Variants in C11orf71 observed in about 807,000 individuals in gnomAD.
C11orf71 encodes uncharacterized protein C11orf71.
For missense variants in C11orf71, 179 were observed against 167.6 expected, an observed-to-expected ratio of 1.07 and a Z score of -0.38; for synonymous variants, 72 against 73.4, an observed-to-expected ratio of 0.98 and a Z score of 0.09.
At chr11:114,395,318 T>C (rs1223311974), downstream of C11orf71, among the ~76,000 whole-genome samples, 1 of 152,170 alleles carries the variant, frequency 6.6e-6, no homozygotes, top group Middle Eastern at 3.2e-3. Context: ...TAAGGAGCCA[T>C]TTACTAATCT....
Position 114,400,503 on chromosome 11 carries a change from G to T in C11orf71, c.-172C>A, listed in dbSNP as rs1253745161. 3 of 1,281,378 alleles carry T rather than the reference G, an allele frequency of 2.3e-6. No individual in the cohort carries two copies. Among genetic ancestry groups the T allele is most frequent in the Middle Eastern group, 2.5e-4 (1 of 4,074 alleles). 79.4% of individuals were successfully genotyped at this position (1,281,378 alleles called of 1,614,324 possible). On this transcript the variant is annotated 5_prime_UTR_variant, in exon 1 of 1. Coordinates refer to ENST00000623205, the MANE Select transcript of C11orf71 (RefSeq NM_001271562.2). ...CCTTGCCTTTAACGAGGGGTATCCT[G>T]GCGAGCATGCGCAGACCGTCCGCGC...
chr11:114,395,306 T>C (rs1946122859), downstream of C11orf71, among the ~76,000 whole-genome samples: 1 of 152,214 alleles, frequency 6.6e-6, no homozygotes, highest in African/African-American at 2.4e-5. Context: ...GTTCTTTGAA[T>C]GTAAGGAGCC....
rs367568492 is a variant in C11orf71, at chr11:114,399,006, T to A, written c.*954A>T. 2.7e-5 allele frequency: 4 copies of A among 145,628 alleles called. No homozygotes were observed. The East Asian group carries it at 7.9e-4, about 29-fold the overall frequency. 9.0% of individuals were successfully genotyped at this position (145,628 alleles called of 1,614,324 possible). ...AACAAAAATAACAGCAAATAAGGAG[T>A]GATCAGCCAGGTAAGAGAAGAACCA... On this transcript the variant is annotated 3_prime_UTR_variant, in exon 1 of 1. Transcript: ENST00000623205.
chr11:114,396,971 A>G (rs1946135543), downstream of C11orf71, among the ~76,000 whole-genome samples: 1 of 152,110 alleles, frequency 6.6e-6, no homozygotes, highest in African/African-American at 2.4e-5. Flanking sequence ...TTTTTTTCCA[A>G]TCTCCCAAAT....
downstream of C11orf71, among the ~76,000 whole-genome samples, chr11:114,398,219 G>A (rs1057308157): frequency 3.3e-5 from 5 of 152,154 alleles, no homozygotes; most frequent in South Asian, 1.0e-3. Flanking sequence ...TCTCAACCAC[G>A]GGTTTTTGTA....
At chr11:114,395,200 AAATACTTG>A (rs149434028), downstream of C11orf71, among the ~76,000 whole-genome samples, 1,420 of 152,302 alleles carry the variant, frequency 9.3e-3, 24 homozygotes, top group African/African-American at 0.032. Context: ...AGTCTCACCC[AAATACTTG>A]AACACAGAGT....
downstream of C11orf71, among the ~76,000 whole-genome samples, chr11:114,397,464 C>T (rs1946138039): frequency 6.6e-6 from 1 of 152,148 alleles, no homozygotes; most frequent in African/African-American, 2.4e-5. Context: ...ATGTTAAGAA[C>T]AAGAATTTAG....
chr11:114,394,198 C>CTTTTCTT (rs1591192486), downstream of C11orf71, among the ~76,000 whole-genome samples: 1 of 41,756 alleles, frequency 2.4e-5, no homozygotes, highest in African/African-American at 1.2e-4. Context: ...CTTTTCTTTT[C>CTTTTCTT]TTTTCTTTTC....
chr11:114,399,699 T>G lies in C11orf71; in HGVS notation c.*261A>C. On this transcript the variant is annotated 3_prime_UTR_variant, in exon 1 of 1. Transcript: ENST00000623205. ...GATTGTTGACCTCTGGGGAGGGTGC[T>G]CCCATCAGCTCAGCTTTGTGACGAC... is the stretch of plus-strand genomic sequence containing the variant. The G allele has an allele frequency of 2.2e-6, 1 of 458,562 alleles. No homozygotes were observed. The highest frequency in any genetic ancestry group is 2.0e-5 in the African/African-American group (1 of 50,990). 28.4% of individuals were successfully genotyped at this position (458,562 alleles called of 1,614,324 possible). A position where few individuals can be genotyped will look rare whatever the true frequency, so the allele number is the denominator to read the frequency against.
Position 114,400,166 on chromosome 11 carries a change from C to A in C11orf71, c.166G>T (p.Ala56Ser), listed in dbSNP as rs1946173547. 1.2e-6 allele frequency: 2 copies of A among 1,613,724 alleles called. No individual in the cohort carries two copies. ...TCGGCCCGAACGCTTGGTCGCACCG[C>A]CTGCCGAGGTCCTAGATGAATCGCT... Reference protein sequence around the residue: ...PEAIHLGPRQAVRPSVRAESR... With the variant: ...PEAIHLGPRQSVRPSVRAESR... Residue 56 changes from alanine to serine, a missense_variant, in exon 1 of 1, where the codon GCG becomes TCG. Transcript: ENST00000623205.
chr11:114,397,931 C>T (rs1011786410), downstream of C11orf71, among the ~76,000 whole-genome samples: 4 of 152,136 alleles, frequency 2.6e-5, no homozygotes, highest in Non-Finnish European at 5.9e-5. Flanking sequence ...CCCATTTCAA[C>T]TTTAACCGAG....
At chr11:114,396,457 T>C (rs1184024460), downstream of C11orf71, among the ~76,000 whole-genome samples, 1 of 152,212 alleles carries the variant, frequency 6.6e-6, no homozygotes, top group Admixed American at 6.5e-5. Flanking sequence ...GTATTAGTTA[T>C]GTGATCAGAG....
chr11:114,398,838 A>G lies in C11orf71; in HGVS notation c.*1122T>C, dbSNP rs1380748341. 1 of 152,200 alleles carries G rather than the reference A, an allele frequency of 6.6e-6. No individual in the cohort carries two copies. The highest frequency in any genetic ancestry group is 2.4e-5 in the African/African-American group (1 of 41,444). 9.4% of individuals were successfully genotyped at this position (152,200 alleles called of 1,614,324 possible). A position where few individuals can be genotyped will look rare whatever the true frequency, so the allele number is the denominator to read the frequency against. ...GGAGATTTTGCTTTATTTGAAGATA[A>G]TTATTTTAAGGAAGTCTAAACAGAC... is the stretch of plus-strand genomic sequence containing the variant. On this transcript the variant is annotated 3_prime_UTR_variant, in exon 1 of 1. Coordinates refer to ENST00000623205, the MANE Select transcript of C11orf71 (RefSeq NM_001271562.2).
chr11:114,399,924 C>G lies in C11orf71; in HGVS notation c.*36G>C. 6.5e-7 allele frequency: 1 copy of G among 1,543,292 alleles called. No individual in the cohort carries two copies. ...AGAAAGGATTTTAAAAAGGCCTGTT[C>G]ACAAGCTAAGTGAGGGCCAGAGGAA... On this transcript the variant is annotated 3_prime_UTR_variant, in exon 1 of 1. Coordinates refer to ENST00000623205, the MANE Select transcript of C11orf71 (RefSeq NM_001271562.2).
chr11:114,394,247 C>CTTTTCTTTTCTTTTCTCTTA (rs1946105349), downstream of C11orf71, among the ~76,000 whole-genome samples: 1 of 60,594 alleles, frequency 1.7e-5, no homozygotes, highest in Non-Finnish European at 2.8e-5. Context: ...CTTTTCTTTT[C>CTTTTCTTTTCTTTTCTCTTA]TTTTCTTTTC....
downstream of C11orf71, among the ~76,000 whole-genome samples, chr11:114,394,058 C>G (rs926746716): frequency 1.3e-5 from 2 of 151,922 alleles, no homozygotes; most frequent in Non-Finnish European, 2.9e-5. Context: ...AGGCTCCCTG[C>G]AAGCTCCGCC....
intron 1 of C11orf71, among the ~76,000 whole-genome samples, chr11:114,392,539 AAAAAAAAAAAAG>A (rs1213197828): frequency 6.8e-6 from 1 of 146,998 alleles, no homozygotes; most frequent in African/African-American, 2.5e-5. Context: ...CAAAAAAAAA[AAAAAAAAAAAAG>A]AAGAAGAAGA....
chr11:114,395,154 C>CATAG (rs1050008490), downstream of C11orf71, among the ~76,000 whole-genome samples: 66 of 152,214 alleles, frequency 4.3e-4, no homozygotes, highest in African/African-American at 1.5e-3. Flanking sequence ...AGAGATAAGA[C>CATAG]ATAGATTACA....
At position 114,400,365 on chromosome 11, in the gene C11orf71, C is replaced by G; in HGVS notation, c.-34G>C. ...ACTGCCCGCAGTACTTGCGTTACGT[C>G]CCTTTGTGAAGGCAGGCCCTTCGCG... On this transcript the variant is annotated 5_prime_UTR_variant, in exon 1 of 1. Coordinates refer to ENST00000623205, the MANE Select transcript of C11orf71 (RefSeq NM_001271562.2). 1 of 1,563,246 alleles carries G rather than the reference C, an allele frequency of 6.4e-7. No individual in the cohort carries two copies. Among genetic ancestry groups the G allele is most frequent in the Non-Finnish European group, 8.7e-7 (1 of 1,153,784 alleles).
Sources: gnomAD v4.1 joint callset for allele counts (sites outside exome capture counted in the v4.1 genomes callset) on GRCh38, gnomAD v4.1.1 for gene constraint, MANE v1.5 for transcripts, NCBI Gene and HGNC (gene_info 2026-07-23, HGNC 2026-07-21) for gene names.